TMEM169: variants seen among roughly 807,000 people sequenced by gnomAD.
TMEM169 encodes transmembrane protein 169.
In TMEM169, 18 loss-of-function variants were observed where a neutral mutation model predicts 27.3. The ratio of observed to expected loss-of-function variants is 0.66; its 90% CI spans 0.46 to 0.98. The LOEUF (loss-of-function observed/expected upper bound fraction) is 0.98. TMEM169 is among the 50% of genes least tolerant of loss of function. The probability of loss-of-function intolerance (pLI) is 0.00; values close to 1 mark genes in which losing one functional copy is unlikely to be tolerated. For synonymous variants in TMEM169, 136 were observed against 142.1 expected (o/e 0.96, Z 0.30); for missense variants, 320 against 368.6 (o/e 0.87, Z 1.08).
At chr2:216,091,513 C>T (rs1041019402) in intron 1 of TMEM169, among the ~76,000 whole-genome samples, 15 of 145,202 alleles carry the variant, frequency 1.0e-4, no homozygotes, top group Admixed American at 6.4e-4. Context: ...GCCAAGATTG[C>T]GCCACTGCAC....
At chr2:216,087,644 T>C (rs2563246) in intron 1 of TMEM169, among the ~76,000 whole-genome samples, 152,126 of 152,316 alleles carry the variant, frequency 1, 75,968 homozygotes, top group Middle Eastern at 1. Context: ...TCAGTTCCAG[T>C]CCCACCACTA....
intron 1 of TMEM169, among the ~76,000 whole-genome samples, chr2:216,094,903 G>A (rs1310019507): frequency 1.3e-5 from 2 of 152,162 alleles, no homozygotes; most frequent in Non-Finnish European, 2.9e-5. Context: ...ACACATCCCA[G>A]TAACTTTTTG....
intron 1 of TMEM169, among the ~76,000 whole-genome samples, chr2:216,093,691 G>A (rs1471451665): frequency 2.6e-5 from 4 of 152,112 alleles, no homozygotes; most frequent in Non-Finnish European, 5.9e-5. Flanking sequence ...AGAGGCTAGA[G>A]GAAATACTGG....
chr2:216,085,053 G>A (rs981783130), intron 1 of TMEM169, among the ~76,000 whole-genome samples: 1 of 152,126 alleles, frequency 6.6e-6, no homozygotes, highest in Non-Finnish European at 1.5e-5. Flanking sequence ...CAGTGGCAGC[G>A]ATCTCGGCTC....
chr2:216,092,758 T>C (rs1696163111), intron 1 of TMEM169, among the ~76,000 whole-genome samples: 1 of 149,806 alleles, frequency 6.7e-6, no homozygotes, highest in African/African-American at 2.6e-5. Context: ...TCATGCTGTA[T>C]AGAAGGGCCA....
rs752687811 is a variant in TMEM169 at position 216,100,229 on chromosome 2, A to G, written c.581A>G (p.Tyr194Cys). ...TITWYNIFLV[Y>C]NEERTFWHKI... The stretch of plus-strand genomic sequence containing the variant: ...ACCTGGTACAACATCTTCCTCGTGT[A>G]TAATGAGGAAAGGACCTTCTGGCAC... The change falls in exon 3 of 3, where the codon TAT becomes TGT. Residue 194 changes from tyrosine to cysteine, a missense_variant. Physicochemically the swap from Tyr to Cys is radical, Grantham distance 194. Coordinates refer to ENST00000437356, the MANE Select transcript of TMEM169 (RefSeq NM_001142311.2). The G allele has an allele frequency of 1.2e-6, 2 of 1,613,656 alleles. No homozygotes were observed. The highest frequency in any genetic ancestry group is 3.3e-5 in the Admixed American group (2 of 59,910).
At position 216,099,852 on chromosome 2, in the gene TMEM169, A is replaced by G; in HGVS notation, c.272-68A>G. 6.5e-7 allele frequency: 1 copy of G among 1,549,414 alleles called. No homozygotes were observed. On this transcript the variant is annotated intron_variant, in intron 2 of 2. Transcript: ENST00000437356. This position sits in a 1 kb window ranked among gnomAD's most constrained non-coding sequence, Gnocchi z 5.0. ...CTCTTGTCCTCATGCCCAGCCTGGG[A>G]GGGTGCAACATGGAGATGCAATGCC...
At chr2:216,086,988 A>G (rs1340667454) in intron 1 of TMEM169, among the ~76,000 whole-genome samples, 1 of 152,212 alleles carries the variant, frequency 6.6e-6, no homozygotes, top group Non-Finnish European at 1.5e-5. Context: ...CATTCATTGA[A>G]TTCTCACCAC....
intron 2 of TMEM169, among the ~76,000 whole-genome samples, chr2:216,096,790 C>T (rs1259113166): frequency 3.3e-5 from 5 of 152,160 alleles, no homozygotes; most frequent in African/African-American, 4.8e-5. Flanking sequence ...CTGATTTATA[C>T]GCAAAAACTG....
At chr2:216,088,284 C>T (rs992540375) in intron 1 of TMEM169, among the ~76,000 whole-genome samples, 2 of 151,974 alleles carry the variant, frequency 1.3e-5, no homozygotes, top group Non-Finnish European at 2.9e-5. Flanking sequence ...ACGGTGAAAC[C>T]CCGTCTCTAC....
Position 216,100,076 on chromosome 2 carries a change from C to T in TMEM169, c.428C>T (p.Thr143Met), listed in dbSNP as rs201548005. ...TKPKESSRET[T>M]PEGRMACQMG... ...CCTAAAGAGTCATCAAGGGAAACGA[C>T]GCCTGAAGGAAGAATGGCCTGCCAG... Residue 143 changes from threonine (T) to methionine (M), a missense_variant, in exon 3 of 3, where the codon ACG becomes ATG. Coordinates refer to ENST00000437356, the MANE Select transcript of TMEM169 (RefSeq NM_001142311.2). 16 of 1,614,162 alleles carry T rather than the reference C, an allele frequency of 9.9e-6. No individual in the cohort carries two copies. Among genetic ancestry groups the T allele is most frequent in the African/African-American group, 9.3e-5 (7 of 75,046 alleles).
At chr2:216,094,269 C>T (rs1464293679) in intron 1 of TMEM169, among the ~76,000 whole-genome samples, 5 of 152,064 alleles carry the variant, frequency 3.3e-5, no homozygotes, top group Admixed American at 6.6e-5. Flanking sequence ...TTTGGTAAAT[C>T]GCTTGGAAAC....
At chr2:216,088,768 C>T (rs1279739415) in intron 1 of TMEM169, among the ~76,000 whole-genome samples, 4 of 152,174 alleles carry the variant, frequency 2.6e-5, no homozygotes, top group African/African-American at 9.7e-5. Flanking sequence ...ATTACACAAT[C>T]GGTAAATTCC....
At chr2:216,091,575 A>AG in intron 1 of TMEM169, among the ~76,000 whole-genome samples, 3 of 144,316 alleles carry the variant, frequency 2.1e-5, no homozygotes, top group Non-Finnish European at 3.0e-5. Context: ...AAAAAAAAAA[A>AG]AAAAGAGAGA....
chr2:216,085,582 T>G (rs1220911598), intron 1 of TMEM169, among the ~76,000 whole-genome samples: 1 of 151,064 alleles, frequency 6.6e-6, no homozygotes, highest in African/African-American at 2.4e-5. Flanking sequence ...AATTTAAGAA[T>G]TATCTGGGCC....
chr2:216,096,130 G>T lies in TMEM169; in HGVS notation c.167G>T (p.Arg56Leu), dbSNP rs143856543. ...CGCCCAGAATCCATCATCATCTACCGCTCAGACAATGAGAAAACAGATGAG... is the reference window on the plus strand; with the variant it reads ...CGCCCAGAATCCATCATCATCTACCTCTCAGACAATGAGAAAACAGATGAG... Reference protein sequence around the residue: ...ESRPESIIIYRSDNEKTDEEP... With the variant: ...ESRPESIIIYLSDNEKTDEEP... The change falls in exon 2 of 3, where the codon CGC (arginine) becomes CTC (leucine). Residue 56 changes from arginine (R) to leucine (L), a missense_variant. Coordinates refer to ENST00000437356, the MANE Select transcript of TMEM169 (RefSeq NM_001142311.2). The T allele has an allele frequency of 5.5e-5, 89 of 1,613,996 alleles. No homozygotes were observed. Among genetic ancestry groups the T allele is most frequent in the Admixed American group, 8.3e-5 (5 of 59,978 alleles).
In TMEM169 at chr2:216,099,966, G is replaced by T. The variant is rs760498766; in HGVS notation, c.318G>T (p.Gly106=). 1 of 1,614,084 alleles carries T rather than the reference G, an allele frequency of 6.2e-7. No individual in the cohort carries two copies. The highest frequency in any genetic ancestry group is 8.5e-7 in the Non-Finnish European group (1 of 1,180,014). Reference sequence around the variant, plus strand: ...ACAGCCGCTACGTCACCTTAACTGGGACCATCACACGAGGGAAGAAAAAGG... The same window carrying T: ...ACAGCCGCTACGTCACCTTAACTGGTACCATCACACGAGGGAAGAAAAAGG... The part of the protein sequence containing the change: ...PLDSRYVTLT[G]TITRGKKKGQ... Residue 106 remains glycine (G), a synonymous_variant, in exon 3 of 3, where the codon GGG becomes GGT. Coordinates refer to ENST00000437356, the MANE Select transcript of TMEM169 (RefSeq NM_001142311.2). This position sits in a 1 kb window ranked among gnomAD's most constrained non-coding sequence, Gnocchi z 5.0.
intron 1 of TMEM169, among the ~76,000 whole-genome samples, chr2:216,087,136 A>G (rs1435859617): frequency 6.6e-6 from 1 of 151,550 alleles, no homozygotes; most frequent in African/African-American, 2.4e-5. Flanking sequence ...GAAGAAACCA[A>G]CATAAGCACA....
At chr2:216,089,439 A>C (rs1392670127) in intron 1 of TMEM169, among the ~76,000 whole-genome samples, 1 of 152,118 alleles carries the variant, frequency 6.6e-6, no homozygotes, top group Non-Finnish European at 1.5e-5. Flanking sequence ...TTCTATTTTT[A>C]ATTTTCATTT....
Sources: gnomAD v4.1 joint callset for allele counts (sites outside exome capture counted in the v4.1 genomes callset) on GRCh38, gnomAD v4.1.1 for gene constraint, Gnocchi (gnomAD v3.1) non-coding constraint, MANE v1.5 for transcripts, NCBI Gene and HGNC (gene_info 2026-07-23, HGNC 2026-07-21) for gene names.